SIAE: variants seen among roughly 807,000 people sequenced by gnomAD.
SIAE encodes the protein sialate O-acetylesterase.
A neutral mutation model predicts 52.6 loss-of-function variants in SIAE; 39 were observed. The ratio of observed to expected loss-of-function variants is 0.74; its 90% CI spans 0.57 to 0.97. The LOEUF (loss-of-function observed/expected upper bound fraction) is 0.97, where lower values mean the gene tolerates loss of function less well. Among genes scored for constraint, SIAE ranks in the 50% least tolerant of loss-of-function variants. The pLI, the probability that SIAE is intolerant of heterozygous loss-of-function variation, is 0.00. For missense variants in SIAE, 592 were observed against 662.1 expected, an observed-to-expected ratio of 0.89 and a Z score of 1.16; for synonymous variants, 233 against 241.4, an observed-to-expected ratio of 0.97 and a Z score of 0.32.
In SIAE at chr11:124,639,743, A is replaced by G. The variant is rs1414629721; in HGVS notation, c.1091T>C (p.Met364Thr). 1.9e-6 allele frequency: 3 copies of G among 1,614,226 alleles called. No individual in the cohort carries two copies. The highest frequency in any genetic ancestry group is 2.5e-6 in the Non-Finnish European group (3 of 1,180,014). The change falls in exon 8 of 10, where the codon ATG becomes ACG. Residue 364 changes from methionine to threonine, a missense_variant. Coordinates refer to ENST00000263593, the MANE Select transcript of SIAE (RefSeq NM_170601.5). ...KMPNTFMAVA[M>T]DLCDRDSPFG... ...AGGCGAGTCTCTATCACAGAGATCC[A>G]TAGCTACAGCCATGAAAGTATTGGG...
At chr11:124,665,555 C>A (rs12277690) in intron 2 of SIAE, among the ~76,000 whole-genome samples, 1 of 152,098 alleles carries the variant, frequency 6.6e-6, no homozygotes, top group Non-Finnish European at 1.5e-5. Context: ...GAGAATCCAG[C>A]GAAACCATGA....
chr11:124,669,382 C>T lies in SIAE; in HGVS notation c.207G>A (p.Met69Ile). The T allele has an allele frequency of 1.2e-6, 2 of 1,614,178 alleles. No individual in the cohort carries two copies. Among genetic ancestry groups the T allele is most frequent in the Non-Finnish European group, 1.7e-6 (2 of 1,180,036 alleles). ...TACCTTTCACACTGGTCACTTTCTT[C>T]ATGATGGTTTCCTGACCTTGGCGCA... ...VTLRQGQETI[M>I]KKVTSVKAHS... The change falls in exon 2 of 10, where the codon ATG (methionine) becomes ATA (isoleucine). Residue 69 changes from methionine to isoleucine, a missense_variant. Coordinates refer to ENST00000263593, the MANE Select transcript of SIAE (RefSeq NM_170601.5).
At chr11:124,654,566 G>A in intron 4 of SIAE, 89 bp downstream of exon 4, 2 of 1,610,932 alleles carry the variant, frequency 1.2e-6, no homozygotes, top group South Asian at 1.1e-5. Context: ...ATAATAAATA[G>A]ACACATAAGA....
intron 3 of SIAE, among the ~76,000 whole-genome samples, chr11:124,656,140 C>T (rs60051152): frequency 0.062 from 9,385 of 151,944 alleles, 980 homozygotes; most frequent in African/African-American, 0.21. Flanking sequence ...ATTGCAAAAT[C>T]CAAAAAAAAA....
At chr11:124,643,375 G>A (rs942548943) in intron 7 of SIAE, among the ~76,000 whole-genome samples, 7 of 152,070 alleles carry the variant, frequency 4.6e-5, no homozygotes, top group African/African-American at 9.7e-5. Context: ...GGAGCCTTCC[G>A]ACCCGACTTA....
chr11:124,675,322 C>T, upstream of SIAE: 2 of 1,614,206 alleles, frequency 1.2e-6, no homozygotes, highest in Admixed American at 1.7e-5. Flanking sequence ...TGGGAATCTT[C>T]TTGAAGGGCT....
intron 1 of SIAE, among the ~76,000 whole-genome samples, chr11:124,672,115 G>T (rs1163772454): frequency 1.3e-5 from 2 of 152,070 alleles, no homozygotes; most frequent in Non-Finnish European, 2.9e-5. Flanking sequence ...GTTTCGCCAT[G>T]TTGGCCAGGC....
chr11:124,656,426 G>C (rs534445173), intron 3 of SIAE, among the ~76,000 whole-genome samples: 2 of 152,156 alleles, frequency 1.3e-5, no homozygotes, highest in African/African-American at 4.8e-5. Flanking sequence ...TAACAGCTCA[G>C]AACAGTCCCA....
chr11:124,667,041 T>C (rs7105102), intron 2 of SIAE, among the ~76,000 whole-genome samples: 16,439 of 152,250 alleles, frequency 0.11, 2,841 homozygotes, highest in African/African-American at 0.36. Flanking sequence ...CTATGTAATA[T>C]TGTATGCTTT....
chr11:124,664,632 C>T (rs1346511553), intron 2 of SIAE, among the ~76,000 whole-genome samples: 5 of 152,178 alleles, frequency 3.3e-5, no homozygotes, highest in Admixed American at 2.0e-4. Flanking sequence ...TCCCAATTAA[C>T]TCCCACCTCA....
intron 4 of SIAE, among the ~76,000 whole-genome samples, chr11:124,651,187 G>A (rs999021247): frequency 6.6e-6 from 1 of 152,164 alleles, no homozygotes; most frequent in Non-Finnish European, 1.5e-5. Context: ...AGATGGATGG[G>A]AGACAGTGAT....
Position 124,636,903 on chromosome 11 carries a change from A to C in SIAE, c.*48T>G, listed in dbSNP as rs755717126. 5 of 1,613,312 alleles carry C rather than the reference A, an allele frequency of 3.1e-6. No homozygotes were observed. Among genetic ancestry groups the C allele is most frequent in the South Asian group, 1.1e-5 (1 of 90,982 alleles). ...ATTATTGAAACTCCTAAATGCTAAA[A>C]TCTGAAGGACCCATCCTTATATCTA... On this transcript the variant is annotated 3_prime_UTR_variant, in exon 10 of 10. Coordinates refer to ENST00000263593, the MANE Select transcript of SIAE (RefSeq NM_170601.5).
chr11:124,660,304 A>C (rs1311753177), intron 3 of SIAE: 3 of 340,880 alleles, frequency 8.8e-6, no homozygotes, highest in Non-Finnish European at 1.7e-5. Flanking sequence ...AAAGAAAAAA[A>C]AAAAAAAGCA....
At chr11:124,658,240 G>GCGCA (rs1555098878) in intron 3 of SIAE, among the ~76,000 whole-genome samples, 1 of 145,178 alleles carries the variant, frequency 6.9e-6, no homozygotes. Context: ...GTGTGTCTGT[G>GCGCA]CACACACACA....
chr11:124,642,098 A>T (rs1000789767), intron 7 of SIAE, among the ~76,000 whole-genome samples: 1 of 152,192 alleles, frequency 6.6e-6, no homozygotes, highest in Non-Finnish European at 1.5e-5. Flanking sequence ...CGGGATGATG[A>T]GAAATAATAA....
chr11:124,670,917 G>A lies in SIAE; in HGVS notation c.68-1396C>T, dbSNP rs1372441552. Among the ~76,000 whole-genome samples, 4 of 152,210 alleles carry A rather than the reference G, an allele frequency of 2.6e-5. No homozygotes were observed. Among genetic ancestry groups the A allele is most frequent in the Non-Finnish European group, 5.9e-5 (4 of 68,042 alleles). On this transcript the variant is annotated intron_variant, in intron 1 of 9. Coordinates refer to ENST00000263593, the MANE Select transcript of SIAE (RefSeq NM_170601.5). The surrounding 1 kb of genome is among the most constrained non-coding windows in gnomAD (Gnocchi z 4.5). ...GGTTGGCAGCCTGCTGGAGGGAAGGGGGAGGCACATGTGTGGGAGGGCCTT... is the reference window on the plus strand; with the variant it reads ...GGTTGGCAGCCTGCTGGAGGGAAGGAGGAGGCACATGTGTGGGAGGGCCTT...
At chr11:124,664,891 C>T (rs1392360779) in intron 2 of SIAE, among the ~76,000 whole-genome samples, 2 of 146,082 alleles carry the variant, frequency 1.4e-5, no homozygotes, top group Non-Finnish European at 3.0e-5. Flanking sequence ...CCCACCCCCA[C>T]CCAACAGAAC....
At chr11:124,675,462 G>A, upstream of SIAE, 2 of 1,591,954 alleles carry the variant, frequency 1.3e-6, no homozygotes, top group Non-Finnish European at 8.5e-7. Flanking sequence ...AAGAAACTAA[G>A]CATTTGTTTA....
chr11:124,639,956 A>G, intron 7 of SIAE, 89 bp from the exon 8 acceptor site: 4 of 1,459,196 alleles, frequency 2.7e-6, no homozygotes, highest in Non-Finnish European at 3.8e-6. Context: ...TGCTTCTCTC[A>G]TTGCATTTAA....
Sources: allele counts gnomAD v4.1 joint callset (sites outside exome capture counted in the v4.1 genomes callset), GRCh38; gene constraint gnomAD v4.1.1; non-coding constraint Gnocchi (gnomAD v3.1); transcripts MANE v1.5; gene names NCBI Gene and HGNC (gene_info 2026-07-23, HGNC 2026-07-21).